CAMKMT: variants seen among roughly 807,000 people sequenced by gnomAD.
The protein encoded by CAMKMT is calmodulin-lysine N-methyltransferase, also known as CaM KMT.
In CAMKMT, 53 loss-of-function variants were observed where a neutral mutation model predicts 48.0. The ratio of observed to expected loss-of-function variants is 1.10; its 90% CI spans 0.89 to 1.39. The LOEUF (loss-of-function observed/expected upper bound fraction) is 1.39. CAMKMT is among the 40% of genes most tolerant of loss of function. CAMKMT has a pLI of 0.00. For synonymous variants in CAMKMT, 165 were observed against 152.3 expected, an observed-to-expected ratio of 1.08 and a Z score of -0.61; for missense variants, 428 against 402.7, an observed-to-expected ratio of 1.06 and a Z score of -0.54.
At chr2:44,674,991 C>G (rs958046411) in intron 3 of CAMKMT, among the ~76,000 whole-genome samples, 6 of 151,654 alleles carry the variant, frequency 4.0e-5, no homozygotes, top group Non-Finnish European at 8.8e-5. Context: ...TGGTCTTGAT[C>G]CTTCTCTCTA....
At chr2:44,399,234 A>C (rs540997060) in intron 3 of CAMKMT, among the ~76,000 whole-genome samples, 2 of 152,190 alleles carry the variant, frequency 1.3e-5, no homozygotes, top group South Asian at 2.1e-4. Flanking sequence ...GATTTTCTAC[A>C]AAAAAGTATT....
intron 3 of CAMKMT, among the ~76,000 whole-genome samples, chr2:44,659,970 T>C (rs725280): frequency 0.033 from 5,043 of 152,278 alleles, 246 homozygotes; most frequent in African/African-American, 0.11. Context: ...CCCAAAGAAC[T>C]TTTGTTTATA....
chr2:44,378,856 C>G (rs1051979350), intron 2 of CAMKMT, among the ~76,000 whole-genome samples: 21 of 152,214 alleles, frequency 1.4e-4, no homozygotes, highest in African/African-American at 5.1e-4. Context: ...CCTTTTAGGA[C>G]CCACTCCACT....
At chr2:44,427,248 A>G (rs1684335326) in intron 3 of CAMKMT, among the ~76,000 whole-genome samples, 1 of 152,240 alleles carries the variant, frequency 6.6e-6, no homozygotes, top group Admixed American at 6.5e-5. Flanking sequence ...ACATTGGCCT[A>G]GGCAAATAAT....
intron 9 of CAMKMT, among the ~76,000 whole-genome samples, chr2:44,758,444 G>T (rs1680473036): frequency 1.3e-5 from 2 of 152,110 alleles, no homozygotes; most frequent in Admixed American, 6.5e-5. Flanking sequence ...TTTACAGGAG[G>T]CCCCAAATTT....
chr2:44,520,813 C>T (rs531121832), intron 3 of CAMKMT, among the ~76,000 whole-genome samples: 2 of 152,228 alleles, frequency 1.3e-5, no homozygotes, highest in Admixed American at 6.5e-5. Context: ...ATGCTATTCT[C>T]GTGATAATGA....
chr2:44,655,821 C>G (rs189157475), intron 3 of CAMKMT, among the ~76,000 whole-genome samples: 10 of 152,144 alleles, frequency 6.6e-5, no homozygotes, highest in African/African-American at 2.4e-4. Context: ...TCTGCAATAA[C>G]CTTTATCTTT....
chr2:44,705,812 T>G (rs1053542672), intron 4 of CAMKMT, among the ~76,000 whole-genome samples: 1 of 152,170 alleles, frequency 6.6e-6, no homozygotes, highest in Non-Finnish European at 1.5e-5. Flanking sequence ...AATTCAGGAT[T>G]GCATCTATTT....
At chr2:44,513,616 A>G (rs1018688307) in intron 3 of CAMKMT, among the ~76,000 whole-genome samples, 9 of 152,172 alleles carry the variant, frequency 5.9e-5, no homozygotes, top group Admixed American at 2.6e-4. Flanking sequence ...ACCATAGGCC[A>G]GTTCCAAATG....
chr2:44,611,043 A>G (rs1297470323), intron 3 of CAMKMT, among the ~76,000 whole-genome samples: 2 of 152,168 alleles, frequency 1.3e-5, no homozygotes, highest in Non-Finnish European at 2.9e-5. Context: ...TCCAGGGAGG[A>G]TAATAGTCTC....
chr2:44,630,327 C>G (rs1318915434), intron 3 of CAMKMT, among the ~76,000 whole-genome samples: 1 of 152,198 alleles, frequency 6.6e-6, no homozygotes, highest in African/African-American at 2.4e-5. Flanking sequence ...ATTCAGGACA[C>G]AGGCACGGGG....
intron 8 of CAMKMT, 83 bp downstream of exon 8, chr2:44,743,779 C>A: frequency 1.0e-6 from 1 of 998,494 alleles, no homozygotes; most frequent in Non-Finnish European, 1.5e-6. Flanking sequence ...TAGCTGACGG[C>A]TAAGCAAAGT....
intron 3 of CAMKMT, among the ~76,000 whole-genome samples, chr2:44,542,015 G>C (rs1222693531): frequency 6.6e-6 from 1 of 151,888 alleles, no homozygotes; most frequent in Non-Finnish European, 1.5e-5. Context: ...GTAAATCCCA[G>C]CTACTTGGGA....
At chr2:44,415,126 G>A (rs946672401) in intron 3 of CAMKMT, among the ~76,000 whole-genome samples, 2 of 152,174 alleles carry the variant, frequency 1.3e-5, no homozygotes, top group African/African-American at 4.8e-5. Flanking sequence ...ACTCCAGCCT[G>A]GTGATAGAGT....
intron 8 of CAMKMT, among the ~76,000 whole-genome samples, chr2:44,744,666 T>A (rs1183476443): frequency 6.6e-6 from 1 of 152,162 alleles, no homozygotes; most frequent in Non-Finnish European, 1.5e-5. Flanking sequence ...CAGGGAAGAC[T>A]TTCCCTAGAG....
At chr2:44,474,618 C>G (rs1192000586) in intron 3 of CAMKMT, among the ~76,000 whole-genome samples, 1 of 152,092 alleles carries the variant, frequency 6.6e-6, no homozygotes. Flanking sequence ...ATATGTCTAT[C>G]AACCCAACTA....
At chr2:44,431,014 TACTC>T (rs1166720723) in intron 3 of CAMKMT, among the ~76,000 whole-genome samples, 3 of 152,226 alleles carry the variant, frequency 2.0e-5, no homozygotes, top group Non-Finnish European at 2.9e-5. Context: ...AGTTATGAAA[TACTC>T]AATTTATTTT....
chr2:44,440,598 A>G (rs1666591869), intron 3 of CAMKMT, among the ~76,000 whole-genome samples: 1 of 151,802 alleles, frequency 6.6e-6, no homozygotes, highest in Non-Finnish European at 1.5e-5. Context: ...AATAAATTAA[A>G]TCAAAATTTC....
intron 3 of CAMKMT, among the ~76,000 whole-genome samples, chr2:44,651,087 G>C (rs1297523710): frequency 6.6e-6 from 1 of 152,178 alleles, no homozygotes; most frequent in Non-Finnish European, 1.5e-5. Flanking sequence ...TGCTGATGGT[G>C]ATATAAATTG....
Sources: allele counts gnomAD v4.1 joint callset (sites outside exome capture counted in the v4.1 genomes callset), GRCh38; gene constraint gnomAD v4.1.1; transcripts MANE v1.5; gene names NCBI Gene and HGNC (gene_info 2026-07-23, HGNC 2026-07-21).